Variants in ADAMTS14 observed in about 807,000 individuals in gnomAD.
ADAMTS14 encodes the protein A disintegrin and metalloproteinase with thrombospondin motifs 14.
ADAMTS14 carries 100 observed loss-of-function variants against 128.6 expected under a neutral mutation model. The observed-to-expected ratio is 0.78, with a 90% CI of 0.66 to 0.92. The LOEUF (loss-of-function observed/expected upper bound fraction) is 0.92. Ranked by LOEUF, ADAMTS14 falls within the 40% of genes least tolerant of loss-of-function variation. The probability of loss-of-function intolerance (pLI) is 0.00; values close to 1 mark genes in which losing one functional copy is unlikely to be tolerated. For missense variants in ADAMTS14, 1,562 were observed against 1,658.6 expected, an observed-to-expected ratio of 0.94 and a Z score of 1.01; for synonymous variants, 665 against 653.8, an observed-to-expected ratio of 1.02 and a Z score of -0.26.
At position 70,730,209 on chromosome 10, in the gene ADAMTS14, C is replaced by A. The variant is rs767520389; in HGVS notation, c.1062C>A (p.Asp354Glu). The A allele has an allele frequency of 2.6e-5, 42 of 1,614,012 alleles. No individual in the cohort carries two copies. Among genetic ancestry groups the A allele is most frequent in the Non-Finnish European group, 3.6e-5 (42 of 1,180,018 alleles). The stretch of plus-strand genomic sequence containing the variant: ...ACCCCAGCCACGCTGAGCACCATGA[C>A]CACGTTGTGTTCCTCACCCGGCAGG... ...RQDPSHAEHH[D>E]HVVFLTRQDF... Residue 354 changes from aspartate to glutamate, a missense_variant, in exon 6 of 22, where the codon GAC (aspartate) becomes GAA (glutamate). By Grantham distance (45) the Asp-to-Glu change is conservative. Transcript: ENST00000373207.
At chr10:70,719,542 T>C (rs1833231) in intron 4 of ADAMTS14, among the ~76,000 whole-genome samples, 103,963 of 151,794 alleles carry the variant, frequency 0.68, 35,784 homozygotes, top group East Asian at 0.81. Flanking sequence ...GCTGGGACTA[T>C]AGGCATGGCT....
At chr10:70,750,915 C>A (rs1444385878) in intron 16 of ADAMTS14, among the ~76,000 whole-genome samples, 2 of 152,038 alleles carry the variant, frequency 1.3e-5, no homozygotes. Context: ...AACAGAGGGG[C>A]AAATCTTTAT....
At chr10:70,725,266 G>C (rs1057063418) in intron 4 of ADAMTS14, among the ~76,000 whole-genome samples, 1 of 152,280 alleles carries the variant, frequency 6.6e-6, no homozygotes, top group Non-Finnish European at 1.5e-5. Context: ...AGCAGAGGAC[G>C]TGGAAGGGAA....
chr10:70,736,367 A>G (rs1481240581), intron 9 of ADAMTS14, among the ~76,000 whole-genome samples: 1 of 152,074 alleles, frequency 6.6e-6, no homozygotes, highest in African/African-American at 2.4e-5. Context: ...ACCTCCCCAG[A>G]GCCTCACGCC....
rs1165677787 is a variant in ADAMTS14 at position 70,691,405 on chromosome 10, C to T, written c.523-10907C>T. Among the ~76,000 whole-genome samples, 2 of 136,654 alleles carry T rather than the reference C, an allele frequency of 1.5e-5. 1 individual carries two copies. The highest frequency in any genetic ancestry group is 3.3e-5 in the Non-Finnish European group (2 of 61,158). 89.7% of individuals were successfully genotyped at this position (136,654 alleles called of 152,430 possible). On this transcript the variant is annotated intron_variant, in intron 2 of 21. Transcript: ENST00000373207. ...ACTCGGGAAACTGAGGCGGGAGAAT[C>T]GCTTGAACCTGGGAGGCAGAGGTTG...
At chr10:70,745,127 T>A (rs1842136082) in intron 14 of ADAMTS14, 99 bp from the exon 15 acceptor site, 2 of 1,068,260 alleles carry the variant, frequency 1.9e-6, no homozygotes, top group East Asian at 4.8e-5. Context: ...TGTGATCAAA[T>A]GAGATGTTCC....
At position 70,674,994 on chromosome 10, in the gene ADAMTS14, T is replaced by G; in HGVS notation, c.521T>G (p.Leu174Trp). ...AAVAISNCDGLAGLIRTDSTD... is the reference protein window; with the variant it reads ...AAVAISNCDGWAGLIRTDSTD... ...GTTGCCATCAGCAACTGTGACGGATTGGTAAGGGATGAGACTTTCATTAAG... is the reference window on the plus strand; with the variant it reads ...GTTGCCATCAGCAACTGTGACGGATGGGTAAGGGATGAGACTTTCATTAAG... The change falls in exon 2 of 22, where the codon TTG (leucine) becomes TGG (tryptophan). Residue 174 changes from leucine to tryptophan, a missense_variant and splice_region_variant. Leu to Trp is a moderately conservative substitution (Grantham distance 61, BLOSUM62 -2). Transcript: ENST00000373207. 1 of 1,611,250 alleles carries G rather than the reference T, an allele frequency of 6.2e-7. No individual in the cohort carries two copies. Among genetic ancestry groups the G allele is most frequent in the East Asian group, 2.2e-5 (1 of 44,866 alleles).
intron 21 of ADAMTS14, among the ~76,000 whole-genome samples, chr10:70,758,719 G>A (rs770115386): frequency 1.3e-5 from 2 of 152,142 alleles, no homozygotes; most frequent in Non-Finnish European, 2.9e-5. Context: ...TTGTAGATAT[G>A]AGCTGCCTTC....
chr10:70,752,753 G>A, intron 18 of ADAMTS14, among the ~76,000 whole-genome samples: 1 of 152,202 alleles, frequency 6.6e-6, no homozygotes, highest in East Asian at 1.9e-4. Context: ...AGTCCTCCCT[G>A]GTAGGCGTAG....
intron 4 of ADAMTS14, among the ~76,000 whole-genome samples, chr10:70,717,100 G>C (rs1373724010): frequency 6.6e-6 from 1 of 152,184 alleles, no homozygotes; most frequent in Non-Finnish European, 1.5e-5. Flanking sequence ...AAGCATAAAG[G>C]GGTAGTTGTT....
chr10:70,738,934 T>A lies in ADAMTS14; in HGVS notation c.1692T>A (p.Cys564Ter). The change falls in exon 11 of 22, where the codon TGT becomes TGA. Residue 564 changes from cysteine (C) to a stop codon, truncating the protein, a stop_gained. Transcript: ENST00000373207. LOFTEE classifies it high-confidence loss of function. The stretch of plus-strand genomic sequence containing the variant: ...GCTCCTGGACCAAGTTTGGGTCATG[T>A]TCGCGGTCATGTGGGGGCGGGGTGC... ...GWSSWTKFGS[C>*]SRSCGGGVRS... 6.2e-7 allele frequency: 1 copy of A among 1,614,050 alleles called. No individual in the cohort carries two copies. Among genetic ancestry groups the A allele is most frequent in the Non-Finnish European group, 8.5e-7 (1 of 1,179,976 alleles).
chr10:70,729,872 A>T (rs1841577893), intron 5 of ADAMTS14, among the ~76,000 whole-genome samples: 1 of 152,190 alleles, frequency 6.6e-6, no homozygotes, highest in Non-Finnish European at 1.5e-5. Context: ...GTGTGTGTGA[A>T]GTTCCCGGCA....
At chr10:70,715,370 G>T (rs1841006009) in intron 4 of ADAMTS14, among the ~76,000 whole-genome samples, 1 of 152,118 alleles carries the variant, frequency 6.6e-6, no homozygotes, top group Non-Finnish European at 1.5e-5. Flanking sequence ...GCCATGACCT[G>T]TGCCAGCTCC....
At chr10:70,736,582 G>A in intron 9 of ADAMTS14, 98 bp from the exon 10 acceptor site, 1 of 1,104,310 alleles carries the variant, frequency 9.1e-7, no homozygotes, top group Non-Finnish European at 1.3e-6. Context: ...TGCCCTGGGT[G>A]CCTGCACTCA....
intron 14 of ADAMTS14, 67 bp downstream of exon 14, chr10:70,744,256 C>T (rs908131738): frequency 2.1e-6 from 3 of 1,458,038 alleles, no homozygotes; most frequent in Non-Finnish European, 1.8e-6. Context: ...CTCAGGGGGC[C>T]CTCCCTCCTT....
chr10:70,760,798 G>A lies in ADAMTS14; in HGVS notation c.3617G>A (p.Gly1206Glu). The A allele has an allele frequency of 1.2e-6, 2 of 1,602,944 alleles. No individual in the cohort carries two copies. The highest frequency in any genetic ancestry group is 8.5e-7 in the Non-Finnish European group (1 of 1,172,848). The change falls in exon 22 of 22, where the codon GGA becomes GAA. Residue 1206 changes from glycine (G) to glutamate (E), a missense_variant. By Grantham distance (98) the Gly-to-Glu change is moderately conservative (BLOSUM62 -2). Transcript: ENST00000373207. ...TPVPEDKGQP[G>E]EDLRHPGTSL... is the part of the protein sequence containing the mutation. Reference sequence around the variant, plus strand: ...GTCCCTGAGGACAAAGGGCAACCTGGAGAAGACCTGAGACATCCCGGCACC... The same window carrying A: ...GTCCCTGAGGACAAAGGGCAACCTGAAGAAGACCTGAGACATCCCGGCACC...
chr10:70,741,745 C>G (rs544350002), intron 12 of ADAMTS14, among the ~76,000 whole-genome samples: 1 of 152,336 alleles, frequency 6.6e-6, no homozygotes, highest in Admixed American at 6.5e-5. Flanking sequence ...GACTTCTAGA[C>G]TCCTGTAAAG....
chr10:70,737,560 C>T (rs1841865693), intron 10 of ADAMTS14, among the ~76,000 whole-genome samples: 1 of 152,210 alleles, frequency 6.6e-6, no homozygotes, highest in African/African-American at 2.4e-5. Context: ...ACCCCACCAG[C>T]CTGCCCCCTG....
intron 17 of ADAMTS14, among the ~76,000 whole-genome samples, chr10:70,751,883 G>A (rs12269650): frequency 0.29 from 44,080 of 152,156 alleles, 6,879 homozygotes; most frequent in East Asian, 0.56. Context: ...CCCACTGTGG[G>A]GACAGACAGC....
Sources: allele counts gnomAD v4.1 joint callset (sites outside exome capture counted in the v4.1 genomes callset), GRCh38; gene constraint gnomAD v4.1.1; transcripts MANE v1.5; gene names NCBI Gene and HGNC (gene_info 2026-07-23, HGNC 2026-07-21).